The following BAZ2B variants were observed in gnomAD, a reference collection of about 807,000 sequenced individuals.
BAZ2B encodes bromodomain adjacent to zinc finger domain protein 2B.
In BAZ2B, 91 loss-of-function variants were observed where a neutral mutation model predicts 246.0. That is an observed-to-expected ratio of 0.37 (90% CI 0.31 to 0.44). The LOEUF is 0.44. Ranked by LOEUF, BAZ2B falls within the 20% of genes least tolerant of loss-of-function variation. The pLI, the probability that BAZ2B is intolerant of heterozygous loss-of-function variation, is 1.00. For missense variants in BAZ2B, 2,332 were observed against 2,533.7 expected (o/e 0.92, Z 1.71); for synonymous variants, 855 against 860.0 (o/e 0.99, Z 0.10).
At chr2:159,480,347 T>C (rs1459726612) in intron 2 of BAZ2B, among the ~76,000 whole-genome samples, 4 of 152,126 alleles carry the variant, frequency 2.6e-5, no homozygotes, top group African/African-American at 9.6e-5. Context: ...AGCTGAGTAC[T>C]TGGCATATAA....
chr2:159,533,899 G>T (rs2085639440), intron 2 of BAZ2B, among the ~76,000 whole-genome samples: 1 of 152,174 alleles, frequency 6.6e-6, no homozygotes, highest in African/African-American at 2.4e-5. Context: ...TGTAGACTAA[G>T]CCACATACTA....
At chr2:159,629,367 G>A in the BAZ2B span, among the ~76,000 whole-genome samples, 6 of 152,140 alleles carry the variant, frequency 3.9e-5, no homozygotes, top group South Asian at 2.1e-4. Flanking sequence ...ATAAAGACAC[G>A]TGCACACATA....
At chr2:159,385,076 C>T (rs2062468410) in intron 23 of BAZ2B, 79 bp downstream of exon 23, 1 of 1,430,242 alleles carries the variant, frequency 7.0e-7, no homozygotes, top group Non-Finnish European at 9.7e-7. Context: ...TTCCAATTTT[C>T]TATAATCAAT....
At chr2:159,318,459 AT>A (rs2062337291), downstream of BAZ2B, among the ~76,000 whole-genome samples, 2 of 152,190 alleles carry the variant, frequency 1.3e-5, no homozygotes, top group Non-Finnish European at 1.5e-5. Context: ...ACATTTCTAT[AT>A]TCTCTCTTCA....
chr2:159,579,901 T>C (rs1033133114), intron 1 of BAZ2B, among the ~76,000 whole-genome samples: 5 of 152,146 alleles, frequency 3.3e-5, no homozygotes, highest in Non-Finnish European at 7.4e-5. Flanking sequence ...ATAAACTAGG[T>C]ATTGATGGGA....
chr2:159,570,856 CTTTT>C (rs1174970685), intron 1 of BAZ2B, among the ~76,000 whole-genome samples: 3 of 151,846 alleles, frequency 2.0e-5, no homozygotes, highest in Non-Finnish European at 4.4e-5. Flanking sequence ...TTAGCATTTT[CTTTT>C]TTTGTTTTTT....
chr2:159,496,179 G>T (rs1447319688), intron 2 of BAZ2B, among the ~76,000 whole-genome samples: 7 of 149,502 alleles, frequency 4.7e-5, no homozygotes, highest in Non-Finnish European at 7.4e-5. Flanking sequence ...ATCGAGACCA[G>T]CCTGGCCAAC....
rs574012855 is a variant in BAZ2B at position 159,448,128 on chromosome 2, A to AAAAC, written c.502+110_502+113dup. On this transcript the variant is annotated intron_variant, in intron 5 of 36. Coordinates refer to ENST00000392783, the MANE Select transcript of BAZ2B (RefSeq NM_013450.4). ...AAAAGAGTGAGACCTTGTCTCTATT[A>AAAAC]AAACAAACAAACAAACAAAAACAAA... is the stretch of plus-strand genomic sequence containing the variant. 188 of 1,231,756 alleles carry AAAAC rather than the reference A, an allele frequency of 1.5e-4. 1 individual carries two copies. In the African/African-American group the frequency reaches 2.4e-3, roughly 16 times the overall value. 76.3% of individuals were successfully genotyped at this position (1,231,756 alleles called of 1,614,324 possible). A position where few individuals can be genotyped will look rare whatever the true frequency, so the allele number is the denominator to read the frequency against.
At chr2:159,335,489 A>C (rs1374147532) in intron 33 of BAZ2B, among the ~76,000 whole-genome samples, 1 of 149,598 alleles carries the variant, frequency 6.7e-6, no homozygotes, top group East Asian at 2.0e-4. Flanking sequence ...TTGAGGTTGT[A>C]GTGAGCTGAG....
chr2:159,447,079 A>C, intron 5 of BAZ2B, 104 bp from the exon 6 acceptor site: 1 of 784,086 alleles, frequency 1.3e-6, no homozygotes, highest in Non-Finnish European at 1.9e-6. Context: ...AAATATGATA[A>C]GTGAAAGAAG....
intron 2 of BAZ2B, among the ~76,000 whole-genome samples, chr2:159,519,649 C>T (rs1034647677): frequency 2.8e-5 from 4 of 142,858 alleles, no homozygotes; most frequent in African/African-American, 1.0e-4. Flanking sequence ...TAGGTCCAGA[C>T]AATTATAAGG....
chr2:159,611,985 T>C (rs1016677441), intron 1 of BAZ2B, among the ~76,000 whole-genome samples: 8 of 152,006 alleles, frequency 5.3e-5, no homozygotes, highest in Admixed American at 3.9e-4. Flanking sequence ...GTATCACATA[T>C]TTAGTATGAC....
intron 3 of BAZ2B, among the ~76,000 whole-genome samples, chr2:159,477,045 C>T (rs942557942): frequency 6.6e-6 from 1 of 152,118 alleles, no homozygotes; most frequent in African/African-American, 2.4e-5. Flanking sequence ...GTGGCTCACG[C>T]CTGTAATCCC....
At chr2:159,501,205 T>TTATATATATTATATATATATTTATATA (rs2081760479) in intron 2 of BAZ2B, among the ~76,000 whole-genome samples, 5 of 75,408 alleles carry the variant, frequency 6.6e-5, no homozygotes, top group Middle Eastern at 7.1e-3. Flanking sequence ...ATATATATTT[T>TTATATATATTATATATATATTTATATA]TATATATATT....
intron 2 of BAZ2B, among the ~76,000 whole-genome samples, chr2:159,533,355 GACTAGGA>G (rs2085573399): frequency 1.3e-5 from 2 of 152,152 alleles, no homozygotes; most frequent in African/African-American, 4.8e-5. Context: ...AAGAACACTG[GACTAGGA>G]ATTCGACACC....
rs1408664776 is a variant in BAZ2B at position 159,461,677 on chromosome 2, A to G, written c.146-7876T>C. 2.0e-5 allele frequency: 3 copies of G among 152,716 alleles called. No individual in the cohort carries two copies. In the East Asian group the frequency reaches 5.8e-4, roughly 29 times the overall value. The allele number at this position is 152,716 out of a possible 1,614,324, so 9.5% of individuals were successfully genotyped here. On this transcript the variant is annotated intron_variant, in intron 3 of 36. Transcript: ENST00000392783. The stretch of plus-strand genomic sequence containing the variant: ...CTGTTTAAAAAAATAAATGGCTAAA[A>G]CTCTTCTAAAAATGCAGATGTCTAT...
In BAZ2B at chr2:159,534,800, T is replaced by G. The variant is rs1047618540; in HGVS notation, c.-3+21023A>C. On this transcript the variant is annotated intron_variant, in intron 2 of 36. Coordinates refer to ENST00000392783, the MANE Select transcript of BAZ2B (RefSeq NM_013450.4). Reference sequence around the variant, plus strand: ...TTTTGTATTTTTAGTAGATAAGGGGTTTCACCATGCTAGCCAGGTTGGTCT... The same window carrying G: ...TTTTGTATTTTTAGTAGATAAGGGGGTTCACCATGCTAGCCAGGTTGGTCT... Among the ~76,000 whole-genome samples the G allele has an allele frequency of 7.1e-4, 108 of 151,900 alleles. 1 individual carries two copies. The highest frequency in any genetic ancestry group is 1.8e-4 in the Non-Finnish European group (12 of 67,968).
At chr2:159,553,690 A>G (rs759529095) in intron 2 of BAZ2B, among the ~76,000 whole-genome samples, 4 of 152,046 alleles carry the variant, frequency 2.6e-5, no homozygotes, top group Non-Finnish European at 4.4e-5. Flanking sequence ...AAAAACAGCA[A>G]TTCTCCTGAC....
intron 16 of BAZ2B, among the ~76,000 whole-genome samples, chr2:159,403,399 A>C (rs183914251): frequency 7.1e-4 from 108 of 152,304 alleles, no homozygotes; most frequent in East Asian, 7.7e-4. Flanking sequence ...TTCAGGTTGT[A>C]GCTACTGTAA....
Sources: allele counts gnomAD v4.1 joint callset (sites outside exome capture counted in the v4.1 genomes callset), GRCh38; gene constraint gnomAD v4.1.1; transcripts MANE v1.5; gene names NCBI Gene and HGNC (gene_info 2026-07-23, HGNC 2026-07-21).